FAM193B: variants seen among roughly 807,000 people sequenced by gnomAD.
The protein encoded by FAM193B is protein FAM193B.
A neutral mutation model predicts 70.7 loss-of-function variants in FAM193B; 27 were observed. That is an observed-to-expected ratio of 0.38 (90% CI 0.28 to 0.53). The LOEUF (loss-of-function observed/expected upper bound fraction) is 0.53. Ranked by LOEUF, FAM193B falls within the 20% of genes least tolerant of loss-of-function variation. The pLI is 0.81. For missense variants in FAM193B, 1,022 were observed against 1,072.5 expected (o/e 0.95, Z 0.66); for synonymous variants, 448 against 436.0 (o/e 1.03, Z -0.34).
intron 5 of FAM193B, among the ~76,000 whole-genome samples, chr5:177,527,792 C>G (rs1206299692): frequency 6.6e-6 from 1 of 152,188 alleles, no homozygotes; most frequent in Non-Finnish European, 1.5e-5. Flanking sequence ...GCGCCCAGTG[C>G]TCCGGCTCAG....
At chr5:177,549,977 TAAGTA>T (rs963648654) in intron 1 of FAM193B, among the ~76,000 whole-genome samples, 1 of 152,014 alleles carries the variant, frequency 6.6e-6, no homozygotes, top group Admixed American at 6.6e-5. Flanking sequence ...CTAGATGAGG[TAAGTA>T]AAGGTGTTAG....
chr5:177,546,969 G>A (rs1422415673), intron 1 of FAM193B, among the ~76,000 whole-genome samples: 2 of 152,178 alleles, frequency 1.3e-5, no homozygotes, highest in African/African-American at 2.4e-5. Context: ...CCCAGCACAC[G>A]TTACTCATGG....
At chr5:177,528,377 A>C (rs1762945364) in intron 5 of FAM193B, among the ~76,000 whole-genome samples, 1 of 152,182 alleles carries the variant, frequency 6.6e-6, no homozygotes, top group Non-Finnish European at 1.5e-5. Flanking sequence ...GGCTGTGATG[A>C]GAGGAAAGAG....
chr5:177,536,608 G>A lies in FAM193B; in HGVS notation c.826C>T (p.His276Tyr), dbSNP rs747521855. The change falls in exon 4 of 9, where the codon CAC (histidine) becomes TAC (tyrosine). Residue 276 changes from histidine (H) to tyrosine (Y), a missense_variant. Coordinates refer to ENST00000514747, the MANE Select transcript of FAM193B (RefSeq NM_001190946.3). ...PSSFGSPPHP[H>Y]LLPTTPAAPF... ...GCTGCCGGGGTGGTGGGCAGCAGGT[G>A]TGGGTGGGGTGGGGAGCCAAAGGAG... The A allele has an allele frequency of 1.4e-5, 21 of 1,554,542 alleles. No homozygotes were observed. In the East Asian group the frequency reaches 1.4e-4, roughly 10 times the overall value.
At chr5:177,549,097 A>T (rs951615412) in intron 1 of FAM193B, among the ~76,000 whole-genome samples, 1 of 152,000 alleles carries the variant, frequency 6.6e-6, no homozygotes, top group African/African-American at 2.4e-5. Flanking sequence ...CTGACACCAA[A>T]TATCTACAAT....
At chr5:177,550,781 G>A (rs996597941) in intron 1 of FAM193B, among the ~76,000 whole-genome samples, 2 of 152,210 alleles carry the variant, frequency 1.3e-5, no homozygotes, top group African/African-American at 4.8e-5. Context: ...TCTTAGGTGA[G>A]GCGCTTCTAT....
intron 1 of FAM193B, chr5:177,553,649 G>C: frequency 7.8e-7 from 1 of 1,276,946 alleles, no homozygotes; most frequent in Non-Finnish European, 1.0e-6. Context: ...GCAGGGGAGG[G>C]AAGAAGGGCA....
In FAM193B at chr5:177,523,995, C is replaced by G; in HGVS notation, c.2334G>C (p.Glu778Asp). ...CCACCTCTCGGTCAGTCTCATCCAT[C>G]TCCACCCCGTCCATGTCCTTGGGCA... Reference protein sequence around the residue: ...VFLPKDMDGVEMDETDREVEY... With the variant: ...VFLPKDMDGVDMDETDREVEY... The change falls in exon 7 of 9, where the codon GAG (glutamate) becomes GAC (aspartate). Residue 778 changes from glutamate to aspartate, a missense_variant. Transcript: ENST00000514747. 2 of 1,614,094 alleles carry G rather than the reference C, an allele frequency of 1.2e-6. No homozygotes were observed. The highest frequency in any genetic ancestry group is 1.7e-6 in the Non-Finnish European group (2 of 1,179,914).
In FAM193B at chr5:177,554,489, A is replaced by ACGC. The variant is rs1554123264; in HGVS notation, c.-34_-32dup. The ACGC allele has an allele frequency of 1.2e-4, 72 of 605,994 alleles. No homozygotes were observed. In the African/African-American group the frequency reaches 1.6e-3, roughly 13 times the overall value. The allele number at this position is 605,994 out of a possible 1,614,324, so 37.5% of individuals were successfully genotyped here. ...CGCTCGCGCCGCTCCCTCGCTCCAC[A>ACGC]CGCCGCCGCCGCCGCCGCCGCCGCC... On this transcript the variant is annotated 5_prime_UTR_variant, in exon 1 of 9. Coordinates refer to ENST00000514747, the MANE Select transcript of FAM193B (RefSeq NM_001190946.3).
intron 8 of FAM193B, 124 bp downstream of exon 8, chr5:177,521,850 C>T: frequency 1.4e-6 from 1 of 717,836 alleles, no homozygotes; most frequent in Non-Finnish European, 2.4e-6. Flanking sequence ...AGACAGAAGC[C>T]AGGGATCCCA....
Position 177,524,835 on chromosome 5 carries a change from G to C in FAM193B, c.1646C>G (p.Ala549Gly). The C allele has an allele frequency of 6.6e-7, 1 of 1,512,368 alleles. No individual in the cohort carries two copies. The highest frequency in any genetic ancestry group is 8.8e-7 in the Non-Finnish European group (1 of 1,133,008). The allele number at this position is 1,512,368 out of a possible 1,614,324, so 93.7% of individuals were successfully genotyped here. ...CCATGGTGGGGCTGGCTCGCCTGGAGCTTGTAACGTGTGGTTCTGAGGGGA... is the reference window on the plus strand; with the variant it reads ...CCATGGTGGGGCTGGCTCGCCTGGACCTTGTAACGTGTGGTTCTGAGGGGA... ...LGSPQNHTLQ[A>G]PGEPAPPWAE... Residue 549 changes from alanine (A) to glycine (G), a missense_variant, in exon 6 of 9, where the codon GCT (alanine) becomes GGT (glycine). By Grantham distance (60) the Ala-to-Gly change is moderately conservative. Transcript: ENST00000514747.
At chr5:177,533,283 T>C (rs1023195927) in intron 4 of FAM193B, among the ~76,000 whole-genome samples, 7 of 152,118 alleles carry the variant, frequency 4.6e-5, no homozygotes, top group Non-Finnish European at 8.8e-5. Context: ...GAGCCACTGT[T>C]TGTGCCAGGT....
intron 1 of FAM193B, among the ~76,000 whole-genome samples, chr5:177,546,274 T>C: frequency 6.6e-6 from 1 of 152,234 alleles, no homozygotes; most frequent in Non-Finnish European, 1.5e-5. Context: ...ACTGATTCTA[T>C]TTAGTATAGC....
intron 7 of FAM193B, chr5:177,523,279 C>T: frequency 5.6e-6 from 2 of 358,704 alleles, no homozygotes; most frequent in Non-Finnish European, 1.2e-5. Flanking sequence ...GGATGAGAAG[C>T]ATGAGCCACC....
chr5:177,521,714 C>T (rs889955484), intron 8 of FAM193B, among the ~76,000 whole-genome samples: 2 of 152,168 alleles, frequency 1.3e-5, no homozygotes, highest in African/African-American at 4.8e-5. Context: ...GGAAGGGGAC[C>T]TTCAGGAGCA....
intron 5 of FAM193B, chr5:177,531,285 C>A (rs1371126483): frequency 3.8e-6 from 5 of 1,316,106 alleles, no homozygotes; most frequent in East Asian, 5.1e-5. Flanking sequence ...CACCCACCTT[C>A]TTTTTCAGCT....
rs374110033 is a variant in FAM193B, at chr5:177,536,553, G to A, written c.881C>T (p.Pro294Leu). The A allele has an allele frequency of 3.2e-6, 5 of 1,540,530 alleles. No individual in the cohort carries two copies. In the African/African-American group the frequency reaches 7.0e-5, roughly 22 times the overall value. The change falls in exon 4 of 9, where the codon CCT (proline) becomes CTT (leucine). Residue 294 changes from proline to leucine, a missense_variant. Pro to Leu is a moderately conservative substitution (Grantham distance 98). Coordinates refer to ENST00000514747, the MANE Select transcript of FAM193B (RefSeq NM_001190946.3). ...APFPAQASEC[P>L]VAAATAPHTP... is the part of the protein sequence containing the mutation. ...GTGGGGGGCAGTGGCAGCAGCAACA[G>A]GGCACTCTGAAGCCTGGGCAGGGAA...
Position 177,554,536 on chromosome 5 carries a change from GCTCCCCT to G in FAM193B, c.-85_-79del. 2.3e-6 allele frequency: 2 copies of G among 886,894 alleles called. No homozygotes were observed. The highest frequency in any genetic ancestry group is 2.7e-6 in the Non-Finnish European group (2 of 736,714). 54.9% of individuals were successfully genotyped at this position (886,894 alleles called of 1,614,324 possible). Reference sequence around the variant, plus strand: ...CGCCGCCGCCGCCGCCGCCGCTACCGCTCCCCTCACAGGACAACAGCCAATATGGCGG... The same window carrying G: ...CGCCGCCGCCGCCGCCGCCGCTACCGCACAGGACAACAGCCAATATGGCGG... On this transcript the variant is annotated 5_prime_UTR_variant, in exon 1 of 9. Coordinates refer to ENST00000514747, the MANE Select transcript of FAM193B (RefSeq NM_001190946.3).
At chr5:177,540,324 A>AAC (rs1235998983) in intron 1 of FAM193B, among the ~76,000 whole-genome samples, 8 of 151,824 alleles carry the variant, frequency 5.3e-5, no homozygotes, top group Non-Finnish European at 8.8e-5. Context: ...AAAAAAAAAA[A>AAC]AGAAAAACAA....
Sources: allele counts gnomAD v4.1 joint callset (sites outside exome capture counted in the v4.1 genomes callset), GRCh38; gene constraint gnomAD v4.1.1; transcripts MANE v1.5; gene names NCBI Gene and HGNC (gene_info 2026-07-23, HGNC 2026-07-21).